Variants in RIF1 observed in about 807,000 individuals in gnomAD.
RIF1 encodes telomere-associated protein RIF1.
Under a neutral mutation model 247.1 loss-of-function variants are expected in RIF1, and 45 were observed. That is an observed-to-expected ratio of 0.18 (90% CI 0.14 to 0.23). The LOEUF is 0.23. RIF1 is among the 10% of genes least tolerant of loss of function. The pLI is 1.00. For synonymous variants in RIF1, 1,087 were observed against 978.8 expected (o/e 1.11, Z -2.06); for missense variants, 2,967 against 2,862.5 (o/e 1.04, Z -0.83).
At position 151,506,226 on chromosome 2, in the gene RIF1, C is replaced by T. The variant is rs762846826; in HGVS notation, c.*878C>T. The T allele has an allele frequency of 1.1e-5, 18 of 1,613,480 alleles. No individual in the cohort carries two copies. Among genetic ancestry groups the T allele is most frequent in the South Asian group, 3.3e-5 (3 of 91,066 alleles). ...TCATCTCAGGTGTCTTTCCGATAGC[C>T]GTTCCTGGTGAGACATCCTCTTTAT... On this transcript the variant is annotated 3_prime_UTR_variant and NMD_transcript_variant, in exon 13 of 14. Coordinates refer to the RIF1 transcript ENST00000454583.
chr2:151,424,377 T>C (rs1182297787), intron 8 of RIF1, among the ~76,000 whole-genome samples: 1 of 152,172 alleles, frequency 6.6e-6, no homozygotes, highest in African/African-American at 2.4e-5. Flanking sequence ...GGTGGGATTA[T>C]AGGCGTGAGC....
the RIF1 span, chr2:151,515,000 GAA>G: frequency 9.6e-6 from 8 of 837,086 alleles, no homozygotes; most frequent in Non-Finnish European, 1.3e-5. Context: ...ATCTCAGGAA[GAA>G]AAAAAAAACA....
At chr2:151,445,498 A>G (rs1693101077) in intron 19 of RIF1, 53 bp downstream of exon 19, 3 of 926,904 alleles carry the variant, frequency 3.2e-6, no homozygotes, top group Middle Eastern at 4.3e-4. Flanking sequence ...TTCTGAAAAT[A>G]TTATTTCATC....
At chr2:151,455,782 C>G (rs1036563573) in intron 22 of RIF1, among the ~76,000 whole-genome samples, 7 of 151,986 alleles carry the variant, frequency 4.6e-5, no homozygotes, top group African/African-American at 1.7e-4. Context: ...GCCACCATGC[C>G]CAGCTAATAC....
At chr2:151,424,104 T>G (rs1688610412) in intron 8 of RIF1, among the ~76,000 whole-genome samples, 1 of 152,042 alleles carries the variant, frequency 6.6e-6, no homozygotes, top group Admixed American at 6.5e-5. Flanking sequence ...AAGCATAAAG[T>G]TTTTTTATTT....
rs1274068814 is a variant in RIF1, at chr2:151,482,109, C to G, written c.*7038C>G. 1 of 152,166 alleles carries G rather than the reference C, an allele frequency of 6.6e-6. No homozygotes were observed. Among genetic ancestry groups the G allele is most frequent in the African/African-American group, 2.4e-5 (1 of 41,446 alleles). 9.4% of individuals were successfully genotyped at this position (152,166 alleles called of 1,614,324 possible). On this transcript the variant is annotated 3_prime_UTR_variant, in exon 36 of 36. Coordinates refer to ENST00000444746, the MANE Select transcript of RIF1 (RefSeq NM_018151.5). ...AACTGTTATCACTTGCCAATGGAAA[C>G]TGGATATTGAAACATTTTTTTAAGA...
rs920787411 is a variant in RIF1 at position 151,481,744 on chromosome 2, C to G, written c.*6673C>G. On this transcript the variant is annotated 3_prime_UTR_variant, in exon 36 of 36. Coordinates refer to ENST00000444746, the MANE Select transcript of RIF1 (RefSeq NM_018151.5). ...GTGTAATGCTTTATACTAGGGGTCT[C>G]AAACCCCTGGGTGGCATTAGATTCT... 1 of 152,328 alleles carries G rather than the reference C, an allele frequency of 6.6e-6. No individual in the cohort carries two copies. The highest frequency in any genetic ancestry group is 1.9e-4 in the East Asian group (1 of 5,192). The allele number at this position is 152,328 out of a possible 1,614,324, so 9.4% of individuals were successfully genotyped here. A position where few individuals can be genotyped will look rare whatever the true frequency, so the allele number is the denominator to read the frequency against.
intron 10 of RIF1, chr2:151,497,658 T>G: frequency 2.5e-6 from 4 of 1,584,382 alleles, no homozygotes; most frequent in African/African-American, 1.3e-5. Flanking sequence ...TGTTTGACTC[T>G]TTCCATCTCG....
In RIF1 at chr2:151,433,011, T is replaced by C. The variant is rs117425175; in HGVS notation, c.926-66T>C. 2,252 of 1,208,526 alleles carry C rather than the reference T, an allele frequency of 1.9e-3. 33 individuals are homozygous for C. The East Asian group carries it at 0.032, about 17-fold the overall frequency. The allele number at this position is 1,208,526 out of a possible 1,614,324, so 74.9% of individuals were successfully genotyped here. On this transcript the variant is annotated intron_variant, in intron 9 of 35. Coordinates refer to ENST00000444746, the MANE Select transcript of RIF1 (RefSeq NM_018151.5). ...CTTGCTGTGATAAAAGACTGTTGCA[T>C]AGCTAGTGTTAGAGTTAATCTTTAG...
intron 3 of RIF1, 34 bp downstream of exon 3, chr2:151,411,372 T>G (rs1420309401): frequency 7.2e-7 from 1 of 1,382,582 alleles, no homozygotes; most frequent in African/African-American, 1.5e-5. Flanking sequence ...TTTTTCACTT[T>G]TGGTAGTTTG....
intron 9 of RIF1, chr2:151,493,959 C>G: frequency 1.0e-6 from 1 of 960,250 alleles, no homozygotes; most frequent in Non-Finnish European, 1.6e-6. Context: ...TATGTTTAAT[C>G]TATTACTATT....
intron 8 of RIF1, 26 bp from the exon 9 acceptor site, chr2:151,428,755 ACTT>A (rs764501511): frequency 9.0e-6 from 14 of 1,548,814 alleles, no homozygotes; most frequent in Non-Finnish European, 1.2e-5. Flanking sequence ...CAGATAAATA[ACTT>A]CTTAATGATT....
At chr2:151,451,227 T>A (rs1365378744) in intron 20 of RIF1, among the ~76,000 whole-genome samples, 1 of 152,188 alleles carries the variant, frequency 6.6e-6, no homozygotes, top group Non-Finnish European at 1.5e-5. Context: ...GTCTTTTCGA[T>A]GCTTAGATAC....
rs532316032 is a variant in RIF1 at position 151,457,136 on chromosome 2, A to G, written c.2652+516A>G. Among the ~76,000 whole-genome samples, 22 of 151,070 alleles carry G rather than the reference A, an allele frequency of 1.5e-4. 1 individual carries two copies. In the East Asian group the frequency reaches 4.1e-3, roughly 28 times the overall value. On this transcript the variant is annotated intron_variant, in intron 23 of 35. Coordinates refer to ENST00000444746, the MANE Select transcript of RIF1 (RefSeq NM_018151.5). ...TACTTTAAATTCATGTTAAGTAATG[A>G]ACTTTTTTTTGGAGACAAAATCTCA...
intron 30 of RIF1, among the ~76,000 whole-genome samples, chr2:151,467,449 A>G (rs577442199): frequency 1.3e-5 from 2 of 151,880 alleles, no homozygotes; most frequent in African/African-American, 4.8e-5. Context: ...GGTTCAAGCG[A>G]TTCTCCTGCC....
In RIF1 at chr2:151,493,780, TA is replaced by T. The variant is rs794727136; in HGVS notation, c.*416-1446del. 2.0e-5 allele frequency: 31 copies of T among 1,569,790 alleles called. No homozygotes were observed. Among genetic ancestry groups the T allele is most frequent in the Non-Finnish European group, 2.4e-5 (28 of 1,153,042 alleles). On this transcript the variant is annotated intron_variant and NMD_transcript_variant, in intron 9 of 13. Coordinates refer to the RIF1 transcript ENST00000454583. ...ATTTTTCCTTTCTAAAATACCGAGC[TA>T]AAGTTTTCTTGATTGCGTTTCACTC... is the stretch of plus-strand genomic sequence containing the variant.
downstream of RIF1, among the ~76,000 whole-genome samples, chr2:151,483,648 C>T (rs1327093339): frequency 6.6e-6 from 1 of 152,040 alleles, no homozygotes; most frequent in African/African-American, 2.4e-5. Flanking sequence ...TAGCATATAA[C>T]CTATGCACAT....
chr2:151,473,758 T>G (rs2048759931), intron 34 of RIF1, among the ~76,000 whole-genome samples: 1 of 152,164 alleles, frequency 6.6e-6, no homozygotes, highest in African/African-American at 2.4e-5. Flanking sequence ...TCTAACCCTC[T>G]CTTTGAGGAA....
chr2:151,457,995 A>G, intron 24 of RIF1, 32 bp downstream of exon 24: 2 of 1,463,530 alleles, frequency 1.4e-6, no homozygotes, highest in Non-Finnish European at 1.9e-6. Context: ...TATACAACTA[A>G]CTATTCTGTT....
Sources: gnomAD v4.1 joint callset for allele counts (sites outside exome capture counted in the v4.1 genomes callset) on GRCh38, gnomAD v4.1.1 for gene constraint, MANE v1.5 for transcripts, NCBI Gene and HGNC (gene_info 2026-07-23, HGNC 2026-07-21) for gene names.